Variants in TSPAN1 observed in about 807,000 individuals in gnomAD.
The protein encoded by TSPAN1 is tetraspanin 1.
Under a neutral mutation model 26.9 loss-of-function variants are expected in TSPAN1, and 23 were observed. The ratio of observed to expected loss-of-function variants is 0.85; its 90% CI spans 0.62 to 1.21. The LOEUF is 1.21. Among genes scored for constraint, TSPAN1 ranks in the 50% most tolerant of loss-of-function variants. TSPAN1 has a pLI of 0.00. For missense variants in TSPAN1, 283 were observed against 298.4 expected (o/e 0.95, Z 0.38); for synonymous variants, 115 against 114.8 (o/e 1.00, Z -0.01).
chr1:46,192,818 C>T, the TSPAN1 span: 1 of 1,598,554 alleles, frequency 6.3e-7, no homozygotes, highest in Non-Finnish European at 8.6e-7. Context: ...CTCATGTCCT[C>T]CAGAAAGCTC....
At chr1:46,177,070 C>T (rs148586957) in intron 1 of TSPAN1, among the ~76,000 whole-genome samples, 134 of 152,254 alleles carry the variant, frequency 8.8e-4, no homozygotes, top group African/African-American at 2.7e-3. Flanking sequence ...CATGGTGGCT[C>T]AAGCCTGTAA....
the TSPAN1 span, chr1:46,193,667 C>T: frequency 1.2e-6 from 2 of 1,613,802 alleles, no homozygotes; most frequent in Non-Finnish European, 1.7e-6. Context: ...AGGTTAGGGT[C>T]ACTTCATCAC....
chr1:46,194,295 G>A, the TSPAN1 span: 1 of 1,614,064 alleles, frequency 6.2e-7, no homozygotes, highest in African/African-American at 1.3e-5. Context: ...TGAACTCGAT[G>A]GGTGTGGGGT....
the TSPAN1 span, chr1:46,196,213 C>G: frequency 1.3e-6 from 2 of 1,533,004 alleles, no homozygotes; most frequent in Non-Finnish European, 1.8e-6. This position sits in a 1 kb window ranked among gnomAD's most constrained non-coding sequence, Gnocchi z 4.4. Flanking sequence ...TCTTTTCCAA[C>G]TCAGCTCGAA....
chr1:46,192,809 TC>T, the TSPAN1 span: 55 of 1,596,692 alleles, frequency 3.4e-5, no homozygotes, highest in Non-Finnish European at 4.4e-5. Context: ...ACTTGTGAGC[TC>T]ATGTCCTCCA....
chr1:46,184,132 TGTGGTA>T, intron 3 of TSPAN1, 53 bp from the exon 4 acceptor site: 1 of 1,556,994 alleles, frequency 6.4e-7, no homozygotes, highest in Non-Finnish European at 8.9e-7. Flanking sequence ...TACTCAGCTG[TGTGGTA>T]GTAAGCTACT....
intron 4 of TSPAN1, 69 bp from the exon 5 acceptor site, chr1:46,184,525 G>GA (rs906654336): frequency 6.2e-7 from 1 of 1,605,382 alleles, no homozygotes; most frequent in Admixed American, 1.7e-5. Flanking sequence ...TTTCCGGGGG[G>GA]GGGATTAGGG....
downstream of TSPAN1, among the ~76,000 whole-genome samples, chr1:46,187,325 T>C (rs915639405): frequency 1.3e-5 from 2 of 152,136 alleles, no homozygotes; most frequent in African/African-American, 4.8e-5. Flanking sequence ...ATAGACCTGA[T>C]CACTGTTGAG....
chr1:46,194,261 A>G, the TSPAN1 span: 2 of 1,614,148 alleles, frequency 1.2e-6, no homozygotes, highest in East Asian at 2.2e-5. Flanking sequence ...CACTGTCTTA[A>G]GGCCCCACTC....
Position 46,181,162 on chromosome 1 carries a change from T to C in TSPAN1, c.55T>C (p.Phe19Leu). The C allele has an allele frequency of 6.2e-7, 1 of 1,613,332 alleles. No individual in the cohort carries two copies. The highest frequency in any genetic ancestry group is 8.5e-7 in the Non-Finnish European group (1 of 1,179,608). The change falls in exon 3 of 9, where the codon TTT becomes CTT. Residue 19 changes from phenylalanine to leucine, a missense_variant and splice_region_variant. Phe to Leu is a conservative substitution (Grantham distance 22). Coordinates refer to ENST00000372003, the MANE Select transcript of TSPAN1 (RefSeq NM_005727.4). ...TMMILFNLLI[F>L]LCGAALLAVG... ...GATGATCCTCTTCAATTTGCTCATC[T>C]TTGTAAGTACGGACATTGTGGACTC...
the TSPAN1 span, chr1:46,191,971 A>C: frequency 7.0e-7 from 1 of 1,420,206 alleles, no homozygotes; most frequent in Non-Finnish European, 9.7e-7. Context: ...ACTGAGGCAA[A>C]AATAGGATAG....
At chr1:46,189,982 C>G (rs150351855), downstream of TSPAN1, 1 of 1,614,020 alleles carries the variant, frequency 6.2e-7, no homozygotes, top group South Asian at 1.1e-5. Flanking sequence ...TCCAGAACCT[C>G]AGCCTCACTG....
At chr1:46,189,115 G>A, downstream of TSPAN1, 1 of 1,495,328 alleles carries the variant, frequency 6.7e-7, no homozygotes. Context: ...TTGGAGCAGG[G>A]GAACCCTCCC....
downstream of TSPAN1, chr1:46,189,135 A>T: frequency 1.3e-6 from 2 of 1,491,356 alleles, no homozygotes; most frequent in Non-Finnish European, 1.8e-6. Context: ...CCTTGGAGTT[A>T]GTAATTAAGT....
intron 1 of TSPAN1, among the ~76,000 whole-genome samples, chr1:46,179,257 G>A (rs1657255045): frequency 6.6e-6 from 1 of 151,026 alleles, no homozygotes; most frequent in African/African-American, 2.4e-5. Flanking sequence ...AGGCTGCAGT[G>A]AGCTGTGATG....
chr1:46,190,700 G>T, downstream of TSPAN1: 3 of 1,604,592 alleles, frequency 1.9e-6, no homozygotes, highest in Non-Finnish European at 2.6e-6. Context: ...TCCACCCCTT[G>T]CCCTGCTGCC....
the TSPAN1 span, chr1:46,192,274 G>C: frequency 1.2e-6 from 2 of 1,614,172 alleles, no homozygotes; most frequent in Non-Finnish European, 1.7e-6. Flanking sequence ...GTTGGTAGGG[G>C]ACTCCAGCCC....
chr1:46,180,420 G>T (rs1453324531), intron 1 of TSPAN1, 106 bp from the exon 2 acceptor site: 2 of 152,740 alleles, frequency 1.3e-5, no homozygotes, highest in African/African-American at 4.8e-5. Flanking sequence ...GTGGGGATCG[G>T]TCTCCAGGCA....
Position 46,184,220 on chromosome 1 carries a change from C to T in TSPAN1, c.87C>T (p.Gly29=). The change falls in exon 4 of 9, where the codon GGC becomes GGT. Residue 29 remains glycine (G), a synonymous_variant. Coordinates refer to ENST00000372003, the MANE Select transcript of TSPAN1 (RefSeq NM_005727.4). ...FLCGAALLAV[G]IWVSIDGASF... ...GTGGTGCAGCCCTGTTGGCAGTGGGCATCTGGGTGTCAATCGATGGGGCAT... is the reference window on the plus strand; with the variant it reads ...GTGGTGCAGCCCTGTTGGCAGTGGGTATCTGGGTGTCAATCGATGGGGCAT... 6.2e-7 allele frequency: 1 copy of T among 1,614,200 alleles called. No individual in the cohort carries two copies. The highest frequency in any genetic ancestry group is 8.5e-7 in the Non-Finnish European group (1 of 1,180,046).
Sources: gnomAD v4.1 joint callset for allele counts (sites outside exome capture counted in the v4.1 genomes callset) on GRCh38, gnomAD v4.1.1 for gene constraint, Gnocchi (gnomAD v3.1) non-coding constraint, MANE v1.5 for transcripts, NCBI Gene and HGNC (gene_info 2026-07-23, HGNC 2026-07-21) for gene names.